The following SLC35A1 variants were observed in gnomAD, a reference collection of about 807,000 sequenced individuals.
The protein encoded by SLC35A1 is solute carrier family 35 member A1.
A neutral mutation model predicts 40.3 loss-of-function variants in SLC35A1; 21 were observed. The ratio of observed to expected loss-of-function variants is 0.52; its 90% CI spans 0.37 to 0.75. The LOEUF is 0.75. Ranked by LOEUF, SLC35A1 falls within the 30% of genes least tolerant of loss-of-function variation. SLC35A1 has a pLI of 0.00. For missense variants in SLC35A1, 297 were observed against 382.1 expected (o/e 0.78, Z 1.86); for synonymous variants, 146 against 147.3 (o/e 0.99, Z 0.06).
chr6:87,479,697 T>C (rs1286593877), intron 2 of SLC35A1, among the ~76,000 whole-genome samples: 1 of 152,252 alleles, frequency 6.6e-6, no homozygotes, highest in Non-Finnish European at 1.5e-5. Context: ...TAGTCCCTAA[T>C]TGCTCAGCTA....
intron 2 of SLC35A1, among the ~76,000 whole-genome samples, chr6:87,480,215 G>A (rs1769206471): frequency 6.6e-6 from 1 of 152,226 alleles, no homozygotes; most frequent in Non-Finnish European, 1.5e-5. Flanking sequence ...GGAAGATGGA[G>A]GCTGGATGGC....
intron 2 of SLC35A1, among the ~76,000 whole-genome samples, chr6:87,486,589 GAT>G (rs201510365): frequency 0.012 from 1,778 of 152,280 alleles, 31 homozygotes; most frequent in African/African-American, 0.041. Flanking sequence ...ATAAATAGGT[GAT>G]GTTATGAGGG....
At chr6:87,511,155 G>C (rs145656964) in intron 7 of SLC35A1, among the ~76,000 whole-genome samples, 1 of 152,136 alleles carries the variant, frequency 6.6e-6, no homozygotes, top group African/African-American at 2.4e-5. Flanking sequence ...GTGTCAGTTA[G>C]GCATACTCAT....
intron 2 of SLC35A1, among the ~76,000 whole-genome samples, chr6:87,481,208 G>C (rs1038506942): frequency 2.5e-4 from 38 of 152,228 alleles, no homozygotes; most frequent in African/African-American, 9.1e-4. Context: ...CTGAGGTCAG[G>C]AGTTTCAAGA....
chr6:87,480,172 G>A (rs1033774654), intron 2 of SLC35A1, among the ~76,000 whole-genome samples: 4 of 152,174 alleles, frequency 2.6e-5, no homozygotes, highest in East Asian at 1.9e-4. Flanking sequence ...ATTTTTCCCC[G>A]TGTCGTTAGA....
chr6:87,501,750 A>C (rs1236835809), intron 4 of SLC35A1, among the ~76,000 whole-genome samples: 2 of 152,202 alleles, frequency 1.3e-5, no homozygotes, highest in African/African-American at 4.8e-5. Context: ...TTCTCTCTCA[A>C]CTGTCAGTCT....
intron 2 of SLC35A1, among the ~76,000 whole-genome samples, chr6:87,480,034 G>A (rs1404448197): frequency 6.6e-6 from 1 of 152,228 alleles, no homozygotes; most frequent in African/African-American, 2.4e-5. Context: ...ATTTGGCAGA[G>A]TGTCCAGTAA....
chr6:87,504,271 G>GA (rs1159630556), intron 4 of SLC35A1, among the ~76,000 whole-genome samples: 2,573 of 96,792 alleles, frequency 0.027, 59 homozygotes, highest in African/African-American at 0.076. Flanking sequence ...GTCTCAAAAA[G>GA]AAAAAAAAAA....
chr6:87,477,166 GGTGTGTGT>G (rs71018020), intron 1 of SLC35A1, among the ~76,000 whole-genome samples, 188 bp from the exon 2 acceptor site: 3 of 149,770 alleles, frequency 2.0e-5, no homozygotes, highest in African/African-American at 7.4e-5. Context: ...AGTCAGCTGT[GGTGTGTGT>G]GTGTGTGTGT....
At chr6:87,511,323 T>C in intron 7 of SLC35A1, 76 bp from the exon 8 acceptor site, 1 of 1,519,220 alleles carries the variant, frequency 6.6e-7, no homozygotes, top group Non-Finnish European at 9.1e-7. Flanking sequence ...ATTAAGAGTT[T>C]TCAAAATTTT....
intron 2 of SLC35A1, among the ~76,000 whole-genome samples, chr6:87,489,098 G>A (rs1036375475): frequency 6.6e-6 from 1 of 152,194 alleles, no homozygotes; most frequent in Non-Finnish European, 1.5e-5. Context: ...AGGCTGAAGG[G>A]TATAACTGGT....
At chr6:87,496,707 G>C (rs1368332398) in intron 2 of SLC35A1, among the ~76,000 whole-genome samples, 1 of 146,640 alleles carries the variant, frequency 6.8e-6, no homozygotes. Context: ...TTGAACCCAG[G>C]AGGTGGAGGT....
At chr6:87,482,697 A>T (rs1769279181) in intron 2 of SLC35A1, among the ~76,000 whole-genome samples, 1 of 152,204 alleles carries the variant, frequency 6.6e-6, no homozygotes, top group Non-Finnish European at 1.5e-5. Context: ...TATGGTAATT[A>T]ATTAAGATTT....
chr6:87,498,001 T>C (rs1390323818), intron 2 of SLC35A1, among the ~76,000 whole-genome samples: 1 of 151,896 alleles, frequency 6.6e-6, no homozygotes, highest in East Asian at 1.9e-4. Flanking sequence ...GTAGCTGGGA[T>C]ACAGGTGTGA....
chr6:87,492,514 C>G (rs1425874444), intron 2 of SLC35A1, among the ~76,000 whole-genome samples: 1 of 142,266 alleles, frequency 7.0e-6, no homozygotes, highest in Non-Finnish European at 1.5e-5. Context: ...TACGTGGTAT[C>G]TATTTGTTCC....
At chr6:87,501,561 C>T (rs1320875891) in intron 4 of SLC35A1, among the ~76,000 whole-genome samples, 1 of 152,092 alleles carries the variant, frequency 6.6e-6, no homozygotes, top group Non-Finnish European at 1.5e-5. Flanking sequence ...GTGTTCCATC[C>T]CCTCCATTTT....
At position 87,501,145 on chromosome 6, in the gene SLC35A1, C is replaced by T. The variant is rs1252999636; in HGVS notation, c.355-13C>T. ...CATTAACTGAATTTATTAATTCATT[C>T]TCTTTTTTTTAGGTGACCTACCAGT... is the stretch of plus-strand genomic sequence containing the variant. On this transcript the variant is annotated splice_polypyrimidine_tract_variant and intron_variant, in intron 3 of 7. Coordinates refer to ENST00000369552, the MANE Select transcript of SLC35A1 (RefSeq NM_006416.5). The T allele has an allele frequency of 7.5e-6, 12 of 1,601,078 alleles. No individual in the cohort carries two copies. The highest frequency in any genetic ancestry group is 4.3e-6 in the Non-Finnish European group (5 of 1,168,190).
chr6:87,485,541 A>T (rs1312601891), intron 2 of SLC35A1, among the ~76,000 whole-genome samples: 1 of 152,088 alleles, frequency 6.6e-6, no homozygotes, highest in Non-Finnish European at 1.5e-5. Context: ...AGGTAGGAGG[A>T]TTTCTTGAGC....
At position 87,501,302 on chromosome 6, in the gene SLC35A1, A is replaced by G; in HGVS notation, c.499A>G (p.Lys167Glu). The G allele has an allele frequency of 6.2e-7, 1 of 1,613,784 alleles. No individual in the cohort carries two copies. The highest frequency in any genetic ancestry group is 8.5e-7 in the Non-Finnish European group (1 of 1,179,800). The part of the protein sequence containing the change: ...LVQWKPAQAT[K>E]VVVEQNPLLG... ...ACAGTGGAAACCAGCCCAAGCTACA[A>G]AAGTGGTGGTAAGAAACAAAATGCA... Residue 167 changes from lysine to glutamate, a missense_variant, in exon 4 of 8, where the codon AAA (lysine) becomes GAA (glutamate). Lys to Glu is a moderately conservative substitution (Grantham distance 56). Transcript: ENST00000369552.
Sources: gnomAD v4.1 joint callset for allele counts (sites outside exome capture counted in the v4.1 genomes callset) on GRCh38, gnomAD v4.1.1 for gene constraint, MANE v1.5 for transcripts, NCBI Gene and HGNC (gene_info 2026-07-23, HGNC 2026-07-21) for gene names.